Variants in PCDH15 observed in about 807,000 individuals in gnomAD.
PCDH15 encodes the protein protocadherin related 15, also known as protocadherin-15.
PCDH15 carries 129 observed loss-of-function variants against 178.5 expected under a neutral mutation model. The observed-to-expected ratio is 0.72, with a 90% CI of 0.63 to 0.84. The LOEUF (loss-of-function observed/expected upper bound fraction) is 0.84, where lower values mean the gene tolerates loss of function less well. Ranked by LOEUF, PCDH15 falls within the 40% of genes least tolerant of loss-of-function variation. The probability of loss-of-function intolerance (pLI) is 0.00; values close to 1 mark genes in which losing one functional copy is unlikely to be tolerated. For synonymous variants in PCDH15, 800 were observed against 732.0 expected (o/e 1.09, Z -1.50); for missense variants, 2,230 against 2,099.9 (o/e 1.06, Z -1.21).
chr10:54,479,511 A>T (rs2078545230), intron 3 of PCDH15, among the ~76,000 whole-genome samples: 2 of 152,014 alleles, frequency 1.3e-5, no homozygotes, highest in Admixed American at 1.3e-4. Flanking sequence ...TGTAATCCAA[A>T]ATTAATTATC....
intron 2 of PCDH15, among the ~76,000 whole-genome samples, chr10:55,384,475 A>G (rs1430917379): frequency 6.6e-6 from 1 of 152,156 alleles, no homozygotes; most frequent in Non-Finnish European, 1.5e-5. Flanking sequence ...CCTCATTCTG[A>G]TGGAAAAATT....
chr10:55,155,443 A>G lies in PCDH15; in HGVS notation c.-80+11133T>C, dbSNP rs938438697. Among the ~76,000 whole-genome samples the G allele has an allele frequency of 2.7e-5, 4 of 150,848 alleles. No individual in the cohort carries two copies. The South Asian group carries it at 8.4e-4, about 32-fold the overall frequency. ...TTCCAGGTTCTTGCACACATTTCTA[A>G]GACAGTGTTCACAGATTTGGCTGTG... On this transcript the variant is annotated intron_variant, in intron 2 of 5. Coordinates refer to the PCDH15 transcript ENST00000458638.
intron 28 of PCDH15, among the ~76,000 whole-genome samples, chr10:53,845,318 G>A (rs1328791083): frequency 6.6e-6 from 1 of 151,770 alleles, no homozygotes; most frequent in Non-Finnish European, 1.5e-5. Flanking sequence ...ACAGTATGGA[G>A]GTTCCTCAAA....
intron 18 of PCDH15, among the ~76,000 whole-genome samples, chr10:54,043,916 C>A (rs1305132442): frequency 6.6e-6 from 1 of 152,072 alleles, no homozygotes; most frequent in Non-Finnish European, 1.5e-5. Context: ...AATTAGATAC[C>A]TTACCATCTT....
intron 10 of PCDH15, among the ~76,000 whole-genome samples, chr10:54,212,755 A>G (rs983193257): frequency 1.3e-5 from 2 of 152,280 alleles, no homozygotes; most frequent in Admixed American, 1.3e-4. Context: ...TGCTAAGGAC[A>G]TATCTATTAA....
chr10:55,187,200 C>T (rs1839821532), intron 1 of PCDH15, among the ~76,000 whole-genome samples: 1 of 151,774 alleles, frequency 6.6e-6, no homozygotes. Context: ...TCATTAAGAG[C>T]TTTAAAAATC....
intron 3 of PCDH15, among the ~76,000 whole-genome samples, chr10:54,422,373 A>AATGT (rs1172422838): frequency 6.6e-6 from 1 of 152,134 alleles, no homozygotes; most frequent in Non-Finnish European, 1.5e-5. Flanking sequence ...AAATTGAGTG[A>AATGT]ATGTATGTAG....
chr10:55,016,878 A>T (rs2131949618), intron 2 of PCDH15, among the ~76,000 whole-genome samples: 1 of 152,196 alleles, frequency 6.6e-6, no homozygotes, highest in African/African-American at 2.4e-5. Context: ...CCTTCTAATC[A>T]TATATTTTTC....
chr10:54,401,486 C>T (rs568192497), intron 3 of PCDH15, among the ~76,000 whole-genome samples: 1 of 151,680 alleles, frequency 6.6e-6, no homozygotes, highest in East Asian at 1.9e-4. Context: ...CAAAGAGAAA[C>T]CTGAAATGCT....
chr10:55,355,480 C>A (rs1845052170), intron 2 of PCDH15, among the ~76,000 whole-genome samples: 1 of 151,940 alleles, frequency 6.6e-6, no homozygotes, highest in Non-Finnish European at 1.5e-5. Context: ...ATGCATTTCC[C>A]TGATTACTTA....
intron 18 of PCDH15, among the ~76,000 whole-genome samples, chr10:54,031,378 T>A (rs2093290217): frequency 6.6e-6 from 1 of 152,056 alleles, no homozygotes; most frequent in African/African-American, 2.4e-5. Context: ...ACTCACTTTT[T>A]ATTGCTATTT....
At chr10:53,982,101 A>C (rs1016918731) in intron 21 of PCDH15, among the ~76,000 whole-genome samples, 10 of 152,320 alleles carry the variant, frequency 6.6e-5, no homozygotes, top group African/African-American at 2.4e-4. Flanking sequence ...AGAGAAATGC[A>C]AATCAAAACC....
chr10:54,067,624 T>G (rs570176326), intron 17 of PCDH15, among the ~76,000 whole-genome samples: 1 of 152,128 alleles, frequency 6.6e-6, no homozygotes, highest in Non-Finnish European at 1.5e-5. Flanking sequence ...AAAGCCTGAG[T>G]ACAGCACAGA....
chr10:55,284,538 C>T (rs977799224), intron 1 of PCDH15, among the ~76,000 whole-genome samples: 13 of 150,974 alleles, frequency 8.6e-5, no homozygotes, highest in Admixed American at 7.3e-4. Flanking sequence ...GATTCTATGA[C>T]TCTGACCTTT....
intron 3 of PCDH15, among the ~76,000 whole-genome samples, chr10:54,389,628 G>T (rs2135282680): frequency 6.6e-6 from 1 of 152,238 alleles, no homozygotes; most frequent in East Asian, 1.9e-4. Flanking sequence ...TCCCATTTCA[G>T]CAATCTGTGT....
At chr10:54,328,794 A>G (rs1329285683) in intron 7 of PCDH15, among the ~76,000 whole-genome samples, 3 of 83,466 alleles carry the variant, frequency 3.6e-5, no homozygotes, top group East Asian at 4.1e-4. Context: ...ATTCCAGAGA[A>G]GAGGGAAGTA....
chr10:54,608,305 C>CAA (rs1294528229), intron 2 of PCDH15, among the ~76,000 whole-genome samples: 2 of 136,936 alleles, frequency 1.5e-5, no homozygotes, highest in Non-Finnish European at 3.2e-5. Context: ...TTATCTCTAC[C>CAA]AAAAAAAAAA....
intron 2 of PCDH15, among the ~76,000 whole-genome samples, chr10:54,979,885 G>C (rs1448136416): frequency 6.6e-6 from 1 of 151,832 alleles, no homozygotes; most frequent in Non-Finnish European, 1.5e-5. Context: ...TGCAATACTT[G>C]TCTAAGATAA....
chr10:54,308,991 C>T (rs537245152), intron 8 of PCDH15, among the ~76,000 whole-genome samples: 3 of 152,116 alleles, frequency 2.0e-5, no homozygotes, highest in Admixed American at 6.6e-5. Context: ...AAACGATCTT[C>T]GCATTAAAAG....
Sources: gnomAD v4.1 joint callset for allele counts (sites outside exome capture counted in the v4.1 genomes callset) on GRCh38, gnomAD v4.1.1 for gene constraint, MANE v1.5 for transcripts, NCBI Gene and HGNC (gene_info 2026-07-23, HGNC 2026-07-21) for gene names.